The following WDR27 variants were observed in gnomAD, a reference collection of about 807,000 sequenced individuals.
WDR27 encodes the protein WD repeat domain 27, also known as WD repeat-containing protein 27.
In WDR27, 100 loss-of-function variants were observed where a neutral mutation model predicts 114.4. The observed-to-expected ratio is 0.87, with a 90% confidence interval of 0.74 to 1.03. The LOEUF is 1.03. Among genes scored for constraint, WDR27 ranks in the 50% least tolerant of loss-of-function variants. WDR27 has a pLI of 0.00. For missense variants in WDR27, 1,129 were observed against 1,092.9 expected, an observed-to-expected ratio of 1.03 and a Z score of -0.47; for synonymous variants, 449 against 423.1, an observed-to-expected ratio of 1.06 and a Z score of -0.75.
intron 15 of WDR27, among the ~76,000 whole-genome samples, chr6:169,648,342 C>T (rs971158172): frequency 1.3e-5 from 2 of 152,188 alleles, no homozygotes; most frequent in South Asian, 4.1e-4. Context: ...ACCACTGCTA[C>T]CCAGCAGCTC....
At chr6:169,579,402 C>T (rs555207171) in intron 24 of WDR27, among the ~76,000 whole-genome samples, 4 of 152,098 alleles carry the variant, frequency 2.6e-5, no homozygotes, top group East Asian at 1.9e-4. Flanking sequence ...CTACCAAGTA[C>T]CCATCAGAAA....
At position 169,614,030 on chromosome 6, in the gene WDR27, G is replaced by A. The variant is rs1811236799; in HGVS notation, c.2224-374C>T. ...TCAACAAGGCACTTAAAGTTAAGGT[G>A]AGTTATTAATCTGCCAATTATCAAC... On this transcript the variant is annotated intron_variant, in intron 21 of 25. Transcript: ENST00000448612. Among the ~76,000 whole-genome samples, 5 of 152,170 alleles carry A rather than the reference G, an allele frequency of 3.3e-5. No individual in the cohort carries two copies. In the South Asian group the frequency reaches 8.3e-4, roughly 25 times the overall value.
intron 23 of WDR27, among the ~76,000 whole-genome samples, chr6:169,585,011 A>G (rs908313488): frequency 6.6e-6 from 1 of 152,268 alleles, no homozygotes; most frequent in African/African-American, 2.4e-5. Flanking sequence ...ATCTAAATGT[A>G]TATGGACAAC....
intron 24 of WDR27, among the ~76,000 whole-genome samples, chr6:169,578,636 C>T (rs778351245): frequency 6.6e-6 from 1 of 152,148 alleles, no homozygotes; most frequent in Non-Finnish European, 1.5e-5. Flanking sequence ...ATTGATCTGT[C>T]TGGATCACTC....
chr6:169,504,405 T>C (rs1225413798), intron 25 of WDR27, among the ~76,000 whole-genome samples: 1 of 152,124 alleles, frequency 6.6e-6, no homozygotes, highest in Non-Finnish European at 1.5e-5. Flanking sequence ...GTGATAGTGA[T>C]TAAGTCTCTC....
chr6:169,513,000 A>C (rs1379465723), intron 25 of WDR27, among the ~76,000 whole-genome samples: 4 of 152,246 alleles, frequency 2.6e-5, no homozygotes, highest in African/African-American at 9.6e-5. Flanking sequence ...TACATTAAAA[A>C]ATTTTTTTCT....
At chr6:169,586,802 T>C (rs1804671964) in intron 23 of WDR27, among the ~76,000 whole-genome samples, 1 of 121,760 alleles carries the variant, frequency 8.2e-6, no homozygotes, top group East Asian at 2.4e-4. Context: ...TGGGCTGAGA[T>C]TGCACTACTG....
At chr6:169,635,160 G>A (rs1817362911) in intron 19 of WDR27, among the ~76,000 whole-genome samples, 1 of 151,974 alleles carries the variant, frequency 6.6e-6, no homozygotes, top group Non-Finnish European at 1.5e-5. Context: ...GAGGTCAGGA[G>A]TTCGAGACCA....
rs1466819785 is a variant in WDR27, at chr6:169,587,218, T to TC, written c.2425-4285_2425-4284insG. 4.4e-4 allele frequency among the ~76,000 whole-genome samples: 57 copies of TC among 130,594 alleles called. No individual in the cohort carries two copies. The South Asian group carries it at 8.1e-3, about 18-fold the overall frequency. The allele number at this position is 130,594 out of a possible 152,430, so 85.7% of individuals were successfully genotyped here. ...TCCTTTCTCCTCAAGGATTTTCTTT[T>TC]TTTTTTTTTTTTTTTTTAAAGACAG... is the stretch of plus-strand genomic sequence containing the variant. On this transcript the variant is annotated intron_variant, in intron 23 of 25. Transcript: ENST00000448612.
At chr6:169,636,301 C>T in intron 19 of WDR27, 70 bp downstream of exon 19, 1 of 1,556,890 alleles carries the variant, frequency 6.4e-7, no homozygotes, top group Non-Finnish European at 8.7e-7. Flanking sequence ...ATGTAAATAC[C>T]TTTCAACATC....
In WDR27 at chr6:169,560,078, C is replaced by T. The variant is rs147830929; in HGVS notation, c.2645+12341G>A. 1.6e-3 allele frequency among the ~76,000 whole-genome samples: 248 copies of T among 152,156 alleles called. 3 individuals carry two copies. Among genetic ancestry groups the T allele is most frequent in the African/African-American group, 5.7e-3 (238 of 41,512 alleles). On this transcript the variant is annotated intron_variant, in intron 25 of 25. Transcript: ENST00000448612. ...TGATATGGTTTGGCTGTGTCCCCAC[C>T]CAAATCTCCACTTGAATCGTATCTC...
chr6:169,467,097 G>A (rs1204407094), intron 25 of WDR27, among the ~76,000 whole-genome samples: 8 of 152,158 alleles, frequency 5.3e-5, no homozygotes, highest in Admixed American at 5.2e-4. Context: ...CATCTCCTTT[G>A]ACTCCATGTC....
chr6:169,566,423 A>G (rs9478053), intron 25 of WDR27, among the ~76,000 whole-genome samples: 2 of 152,120 alleles, frequency 1.3e-5, no homozygotes, highest in Admixed American at 1.3e-4. Context: ...AGACCCTGAG[A>G]GTGGCCACTG....
downstream of WDR27, among the ~76,000 whole-genome samples, chr6:169,455,347 G>A (rs1329750826): frequency 6.6e-6 from 1 of 152,188 alleles, no homozygotes; most frequent in Non-Finnish European, 1.5e-5. Context: ...TTAGAACAAT[G>A]AGACGATGAA....
intron 2 of WDR27, among the ~76,000 whole-genome samples, chr6:169,685,178 A>G (rs73790095): frequency 0.1 from 15,942 of 152,128 alleles, 899 homozygotes; most frequent in African/African-American, 0.12. Flanking sequence ...ATAAATCCCT[A>G]TGAAACGTGC....
intron 25 of WDR27, among the ~76,000 whole-genome samples, chr6:169,511,986 C>A (rs1792959298): frequency 6.6e-6 from 1 of 152,126 alleles, no homozygotes; most frequent in Non-Finnish European, 1.5e-5. Flanking sequence ...TACAGGCTGT[C>A]ACACTCATGT....
chr6:169,591,570 G>A (rs1473520630), intron 23 of WDR27, among the ~76,000 whole-genome samples: 2 of 152,112 alleles, frequency 1.3e-5, no homozygotes, highest in Admixed American at 1.3e-4. Context: ...CCTCCAAATG[G>A]GGACCAATGA....
the WDR27 span, among the ~76,000 whole-genome samples, chr6:169,438,473 G>A: frequency 2.6e-5 from 4 of 152,026 alleles, no homozygotes; most frequent in African/African-American, 7.2e-5. Context: ...TCCTGACCTC[G>A]TGATCTGCCC....
In WDR27 at chr6:169,651,178, C is replaced by CGGGGGGGGGGGGGGGGGGGGGGGGGGGGG. The variant is rs200606067; in HGVS notation, c.1481+751_1481+752insCCCCCCCCCCCCCCCCCCCCCCCCCCCCC. ...GATTTCTGCCTGGAGCACAGCAGTG[C>CGGGGGGGGGGGGGGGGGGGGGGGGGGGGG]GGGGCGGGGGGGGGGAGTGGGGGAG... On this transcript the variant is annotated intron_variant, in intron 14 of 25. Coordinates refer to ENST00000448612, the MANE Select transcript of WDR27 (RefSeq NM_182552.5). Among the ~76,000 whole-genome samples the CGGGGGGGGGGGGGGGGGGGGGGGGGGGGG allele has an allele frequency of 1.5e-3, 5 of 3,398 alleles. 2 individuals carry two copies. Among genetic ancestry groups the CGGGGGGGGGGGGGGGGGGGGGGGGGGGGG allele is most frequent in the Admixed American group, 8.5e-3 (2 of 234 alleles). The allele number at this position is 3,398 out of a possible 152,430, so 2.2% of individuals were successfully genotyped here.
Sources: gnomAD v4.1 joint callset for allele counts (sites outside exome capture counted in the v4.1 genomes callset) on GRCh38, gnomAD v4.1.1 for gene constraint, MANE v1.5 for transcripts, NCBI Gene and HGNC (gene_info 2026-07-23, HGNC 2026-07-21) for gene names.